Variants in RPS6KC1 observed in about 807,000 individuals in gnomAD.
RPS6KC1 encodes inactive ribosomal protein S6 kinase delta-1.
Under a neutral mutation model 103.8 loss-of-function variants are expected in RPS6KC1, and 54 were observed. The observed-to-expected ratio is 0.52, with a 90% CI of 0.42 to 0.65. RPS6KC1 has a LOEUF of 0.65. Among genes scored for constraint, RPS6KC1 ranks in the 30% least tolerant of loss-of-function variants. The pLI is 0.00. For missense variants in RPS6KC1, 1,151 were observed against 1,253.8 expected (o/e 0.92, Z 1.24); for synonymous variants, 439 against 438.7 (o/e 1.00, Z -0.01).
At chr1:213,440,917 T>C in the RPS6KC1 span, among the ~76,000 whole-genome samples, 1 of 152,154 alleles carries the variant, frequency 6.6e-6, no homozygotes, top group South Asian at 2.1e-4. Flanking sequence ...GGGGAAGCCT[T>C]GAGAGCTCAG....
the RPS6KC1 span, among the ~76,000 whole-genome samples, chr1:213,598,272 C>T: frequency 6.6e-6 from 1 of 152,198 alleles, no homozygotes; most frequent in Non-Finnish European, 1.5e-5. Flanking sequence ...AAATCACTAG[C>T]TAGTTAAAAG....
the RPS6KC1 span, chr1:213,818,879 G>A: frequency 6.6e-6 from 1 of 152,192 alleles, no homozygotes; most frequent in Non-Finnish European, 1.5e-5. Flanking sequence ...TCCCAAGAAA[G>A]TTGGACAGAT....
At chr1:213,406,612 T>C in the RPS6KC1 span, among the ~76,000 whole-genome samples, 5 of 152,294 alleles carry the variant, frequency 3.3e-5, no homozygotes, top group African/African-American at 1.2e-4. Context: ...CCCTGACTTA[T>C]CTGCTTAATC....
chr1:213,368,060 T>A, the RPS6KC1 span, among the ~76,000 whole-genome samples: 1 of 152,200 alleles, frequency 6.6e-6, no homozygotes, highest in Admixed American at 6.6e-5. Context: ...GGAGACCTGG[T>A]TGGGGAGTCT....
intron 4 of RPS6KC1, 75 bp from the exon 5 acceptor site, chr1:213,117,242 T>G (rs2083759297): frequency 4.8e-6 from 4 of 824,942 alleles, no homozygotes; most frequent in Non-Finnish European, 8.1e-6. Context: ...CATACTTAAT[T>G]GGGATAACTA....
At chr1:213,748,255 A>G in the RPS6KC1 span, among the ~76,000 whole-genome samples, 1 of 152,216 alleles carries the variant, frequency 6.6e-6, no homozygotes, top group South Asian at 2.1e-4. Context: ...GGACTTCCAG[A>G]AAGTGCCATG....
chr1:213,725,396 C>T, the RPS6KC1 span, among the ~76,000 whole-genome samples: 2 of 152,230 alleles, frequency 1.3e-5, no homozygotes, highest in African/African-American at 4.8e-5. Flanking sequence ...CACACATCCT[C>T]CCCGTGCTCT....
the RPS6KC1 span, among the ~76,000 whole-genome samples, chr1:213,834,619 G>T: frequency 1.3e-5 from 2 of 151,722 alleles, no homozygotes; most frequent in Non-Finnish European, 2.9e-5. Flanking sequence ...TTCTTAAAAG[G>T]TACCCCTAAT....
At chr1:213,327,159 C>T in the RPS6KC1 span, among the ~76,000 whole-genome samples, 6,876 of 150,944 alleles carry the variant, frequency 0.046, 269 homozygotes, top group Middle Eastern at 0.11. Flanking sequence ...TTGCACAAGC[C>T]TGCAGTGCGG....
At chr1:213,149,685 C>T (rs1019559448) in intron 6 of RPS6KC1, among the ~76,000 whole-genome samples, 1 of 151,560 alleles carries the variant, frequency 6.6e-6, no homozygotes, top group African/African-American at 2.4e-5. Context: ...GTAGATTAAG[C>T]CTGATGTTTC....
chr1:213,381,420 A>G, the RPS6KC1 span, among the ~76,000 whole-genome samples: 1 of 151,452 alleles, frequency 6.6e-6, no homozygotes, highest in Admixed American at 6.6e-5. Flanking sequence ...CATTAATCTG[A>G]TCTAGTTCCC....
chr1:213,176,491 A>G lies in RPS6KC1; in HGVS notation c.1043A>G (p.Lys348Arg). 6.3e-7 allele frequency: 1 copy of G among 1,587,866 alleles called. No individual in the cohort carries two copies. Among genetic ancestry groups the G allele is most frequent in the Non-Finnish European group, 8.6e-7 (1 of 1,159,838 alleles). Residue 348 changes from lysine to arginine, a missense_variant and splice_region_variant, in exon 8 of 15, where the codon AAG becomes AGG. Physicochemically the swap from Lys to Arg is conservative, Grantham distance 26 (BLOSUM62 2). This residue lies in a region of RPS6KC1 where 959 missense variants were observed against 1,006.3 expected (regional missense o/e 0.95). Transcript: ENST00000366960. ...TTCAGAGTCCTTGGGGTGATTGACAAGGTAATTCTTCAGTGTCTCTTCAAG... is the reference window on the plus strand; with the variant it reads ...TTCAGAGTCCTTGGGGTGATTGACAGGGTAATTCTTCAGTGTCTCTTCAAG... ...KAFRVLGVID[K>R]VLLVMDTRTE...
chr1:213,214,462 C>T (rs189708948), intron 8 of RPS6KC1, among the ~76,000 whole-genome samples: 16 of 152,290 alleles, frequency 1.1e-4, no homozygotes, highest in Non-Finnish European at 1.5e-4. Context: ...AGGGCATAGC[C>T]GAACAAAAGG....
chr1:213,523,876 G>A, the RPS6KC1 span, among the ~76,000 whole-genome samples: 1 of 152,120 alleles, frequency 6.6e-6, no homozygotes, highest in African/African-American at 2.4e-5. Context: ...ACTGAGAGCT[G>A]CTTCTTAGGC....
chr1:213,705,685 T>G, the RPS6KC1 span, among the ~76,000 whole-genome samples: 2 of 152,220 alleles, frequency 1.3e-5, no homozygotes, highest in Non-Finnish European at 2.9e-5. Context: ...GCCCTGTAAC[T>G]ACCACAGCTG....
chr1:213,789,979 T>G, the RPS6KC1 span, among the ~76,000 whole-genome samples: 1 of 152,206 alleles, frequency 6.6e-6, no homozygotes, highest in Non-Finnish European at 1.5e-5. Flanking sequence ...AAGAGGAACT[T>G]GGTGATATGG....
the RPS6KC1 span, among the ~76,000 whole-genome samples, chr1:213,691,923 G>A: frequency 6.6e-6 from 1 of 152,236 alleles, no homozygotes; most frequent in East Asian, 1.9e-4. Flanking sequence ...CGCAGAAGAG[G>A]CCTGGGCATT....
rs760725377 is a variant in RPS6KC1 at position 213,241,826 on chromosome 1, A to G, written c.2350A>G (p.Ser784Gly). ...GTTATTTGTAGCAGCTGTTGATCAT[A>G]GTAGTTCAGGAGATATGTCTTTGTT... ...RMLFVAAVDH[S>G]SSGDMSLLPS... Residue 784 changes from serine to glycine, a missense_variant, in exon 11 of 15, where the codon AGT becomes GGT. Coordinates refer to ENST00000366960, the MANE Select transcript of RPS6KC1 (RefSeq NM_012424.6). 6.2e-7 allele frequency: 1 copy of G among 1,614,020 alleles called. No individual in the cohort carries two copies. Among genetic ancestry groups the G allele is most frequent in the Non-Finnish European group, 8.5e-7 (1 of 1,179,946 alleles).
At chr1:213,192,607 G>A (rs141122351) in intron 8 of RPS6KC1, among the ~76,000 whole-genome samples, 12 of 152,084 alleles carry the variant, frequency 7.9e-5, no homozygotes, top group African/African-American at 2.9e-4. Context: ...TTGGTAGGTT[G>A]TATGTCTCTA....
Sources: gnomAD v4.1 joint callset for allele counts (sites outside exome capture counted in the v4.1 genomes callset) on GRCh38, gnomAD v4.1.1 for gene constraint, gnomAD v4.1.1 regional missense constraint, MANE v1.5 for transcripts, NCBI Gene and HGNC (gene_info 2026-07-23, HGNC 2026-07-21) for gene names.